Variants in TRIM24 observed in about 807,000 individuals in gnomAD.
The protein encoded by TRIM24 is tripartite motif containing 24.
TRIM24 carries 29 observed loss-of-function variants against 123.9 expected under a neutral mutation model. The ratio of observed to expected loss-of-function variants is 0.23; its 90% CI spans 0.17 to 0.32. The LOEUF (loss-of-function observed/expected upper bound fraction) is 0.32. Among genes scored for constraint, TRIM24 ranks in the 10% least tolerant of loss-of-function variants. The pLI is 1.00. For synonymous variants in TRIM24, 456 were observed against 461.1 expected (o/e 0.99, Z 0.14); for missense variants, 932 against 1,295.3 (o/e 0.72, Z 4.31).
chr7:138,564,972 G>T (rs1287541566), intron 9 of TRIM24, among the ~76,000 whole-genome samples: 1 of 152,082 alleles, frequency 6.6e-6, no homozygotes, highest in Non-Finnish European at 1.5e-5. Context: ...GAGTATTTCA[G>T]ATGCCACTTA....
intron 7 of TRIM24, among the ~76,000 whole-genome samples, chr7:138,540,343 G>A (rs1314682181): frequency 6.6e-6 from 1 of 152,170 alleles, no homozygotes; most frequent in Non-Finnish European, 1.5e-5. Context: ...ACTTCTTTCA[G>A]AATTGGAGTC....
At chr7:138,473,784 T>A (rs1488370413) in intron 1 of TRIM24, among the ~76,000 whole-genome samples, 1 of 152,226 alleles carries the variant, frequency 6.6e-6, no homozygotes, top group Non-Finnish European at 1.5e-5. Context: ...TTACTTCTTT[T>A]GACAATCAAA....
intron 9 of TRIM24, among the ~76,000 whole-genome samples, chr7:138,564,896 C>T (rs1389678831): frequency 6.6e-6 from 1 of 152,162 alleles, no homozygotes; most frequent in Non-Finnish European, 1.5e-5. Context: ...TCATTTCCTC[C>T]CAGTTACAGC....
At chr7:138,534,651 G>C (rs1796824818) in intron 6 of TRIM24, among the ~76,000 whole-genome samples, 2 of 152,166 alleles carry the variant, frequency 1.3e-5, no homozygotes. Context: ...GTCAATTTTG[G>C]AATAAGTGTG....
intron 1 of TRIM24, among the ~76,000 whole-genome samples, chr7:138,462,338 C>CT (rs34920255): frequency 0.034 from 4,199 of 124,378 alleles, 84 homozygotes; most frequent in Non-Finnish European, 0.039. Context: ...GTGCAAAAAT[C>CT]TTTTTTTTTT....
intron 4 of TRIM24, among the ~76,000 whole-genome samples, chr7:138,523,806 C>CA (rs886957378): frequency 1.0e-4 from 15 of 148,142 alleles, no homozygotes; most frequent in Non-Finnish European, 1.6e-4. Flanking sequence ...TGGAGAATGG[C>CA]AAAAAAATGA....
intron 3 of TRIM24, among the ~76,000 whole-genome samples, chr7:138,518,006 C>G (rs905106228): frequency 6.6e-6 from 1 of 152,186 alleles, no homozygotes; most frequent in Non-Finnish European, 1.5e-5. Flanking sequence ...ATGAATTACC[C>G]TTTGACTCAA....
intron 9 of TRIM24, among the ~76,000 whole-genome samples, chr7:138,561,576 T>A (rs952917131): frequency 6.6e-6 from 1 of 152,180 alleles, no homozygotes; most frequent in African/African-American, 2.4e-5. Flanking sequence ...GTTGGTCAGC[T>A]TCCTGTGCTA....
intron 6 of TRIM24, among the ~76,000 whole-genome samples, chr7:138,529,560 GA>G (rs1460023651): frequency 2.0e-5 from 3 of 152,118 alleles, no homozygotes; most frequent in Admixed American, 1.3e-4. Context: ...TGGTTTAGTG[GA>G]GCAGAATTTT....
At position 138,587,912 on chromosome 7, in the gene TRIM24, T is replaced by C. The variant is rs1798046109; in HGVS notation, c.*2961T>C. 1 of 152,230 alleles carries C rather than the reference T, an allele frequency of 6.6e-6. No individual in the cohort carries two copies. Among genetic ancestry groups the C allele is most frequent in the Admixed American group, 6.5e-5 (1 of 15,286 alleles). The allele number at this position is 152,230 out of a possible 1,614,324, so 9.4% of individuals were successfully genotyped here. ...TACATTTTAGATCGGTATCTGGCAT[T>C]GTAATCATTTTGTCTTTTGAATTAA... is the stretch of plus-strand genomic sequence containing the variant. On this transcript the variant is annotated 3_prime_UTR_variant, in exon 19 of 19. Coordinates refer to ENST00000343526, the MANE Select transcript of TRIM24 (RefSeq NM_015905.3).
At position 138,525,376 on chromosome 7, in the gene TRIM24, G is replaced by A. The variant is rs963458275; in HGVS notation, c.881+19G>A. On this transcript the variant is annotated intron_variant, in intron 5 of 18. Transcript: ENST00000343526. ...AAAACAGGTAATTTTATGGTATTAT[G>A]TAATCATTTTTATATAATTTGTTAA... 1.1e-5 allele frequency: 14 copies of A among 1,309,158 alleles called. No individual in the cohort carries two copies. Among genetic ancestry groups the A allele is most frequent in the African/African-American group, 4.6e-5 (3 of 64,696 alleles). The allele number at this position is 1,309,158 out of a possible 1,614,324, so 81.1% of individuals were successfully genotyped here.
intron 15 of TRIM24, among the ~76,000 whole-genome samples, chr7:138,580,332 C>T (rs1314815874): frequency 6.6e-6 from 1 of 152,054 alleles, no homozygotes; most frequent in East Asian, 1.9e-4. Flanking sequence ...ATGTATCTCA[C>T]ACCTTCTTAA....
chr7:138,490,807 A>G (rs1795764364), intron 1 of TRIM24: 10 of 481,064 alleles, frequency 2.1e-5, no homozygotes, highest in South Asian at 7.8e-5. Flanking sequence ...TCCGGAATCA[A>G]TGTATTGACC....
At position 138,484,026 on chromosome 7, in the gene TRIM24, A is replaced by G. The variant is rs530059030; in HGVS notation, c.365-20264A>G. On this transcript the variant is annotated intron_variant, in intron 1 of 18. Coordinates refer to ENST00000343526, the MANE Select transcript of TRIM24 (RefSeq NM_015905.3). ...AGGCAGTACATAATATTGAACCTCAATTCTAGGCCATATACCTCCCCATTT... is the reference window on the plus strand; with the variant it reads ...AGGCAGTACATAATATTGAACCTCAGTTCTAGGCCATATACCTCCCCATTT... 3.9e-5 allele frequency among the ~76,000 whole-genome samples: 6 copies of G among 152,248 alleles called. No individual in the cohort carries two copies. In the South Asian group the frequency reaches 8.3e-4, roughly 21 times the overall value.
At chr7:138,491,732 A>G (rs1795787904) in intron 1 of TRIM24, among the ~76,000 whole-genome samples, 1 of 152,168 alleles carries the variant, frequency 6.6e-6, no homozygotes, top group Admixed American at 6.6e-5. Context: ...GTGAACTACA[A>G]AACTGTTACC....
intron 7 of TRIM24, among the ~76,000 whole-genome samples, chr7:138,541,384 C>T (rs1239422743): frequency 6.6e-6 from 1 of 152,120 alleles, no homozygotes; most frequent in African/African-American, 2.4e-5. Context: ...CAACCTTAAT[C>T]TCATATATTT....
At chr7:138,506,552 T>A (rs1394402760) in intron 2 of TRIM24, among the ~76,000 whole-genome samples, 3 of 152,218 alleles carry the variant, frequency 2.0e-5, no homozygotes, top group Admixed American at 1.3e-4. Flanking sequence ...GATGGGATAT[T>A]CCTATGACAT....
chr7:138,571,116 G>T, intron 11 of TRIM24, 113 bp downstream of exon 11: 2 of 1,098,934 alleles, frequency 1.8e-6, no homozygotes, highest in East Asian at 2.4e-5. Context: ...GATTACTTGA[G>T]GTCAGGAGTT....
intron 1 of TRIM24, among the ~76,000 whole-genome samples, chr7:138,472,966 A>G (rs1343705770): frequency 6.6e-6 from 1 of 152,006 alleles, no homozygotes; most frequent in African/African-American, 2.4e-5. Context: ...CTCCCATTCA[A>G]TCCCTTACGA....
Sources: gnomAD v4.1 joint callset for allele counts (sites outside exome capture counted in the v4.1 genomes callset) on GRCh38, gnomAD v4.1.1 for gene constraint, MANE v1.5 for transcripts, NCBI Gene and HGNC (gene_info 2026-07-23, HGNC 2026-07-21) for gene names.